The following ENOPH1 variants were observed in gnomAD, a reference collection of about 807,000 sequenced individuals.
ENOPH1 encodes enolase-phosphatase 1, also known as enolase-phosphatase E1.
A neutral mutation model predicts 31.1 loss-of-function variants in ENOPH1; 14 were observed. That is an observed-to-expected ratio of 0.45 (90% CI 0.30 to 0.70). The LOEUF (loss-of-function observed/expected upper bound fraction) is 0.70. Among genes scored for constraint, ENOPH1 ranks in the 30% least tolerant of loss-of-function variants. The probability of loss-of-function intolerance (pLI) is 0.09; values close to 1 mark genes in which losing one functional copy is unlikely to be tolerated. For synonymous variants in ENOPH1, 127 were observed against 123.2 expected (o/e 1.03, Z -0.21); for missense variants, 243 against 321.5 (o/e 0.76, Z 1.87).
In ENOPH1 at chr4:82,454,713, T is replaced by C. The variant is rs994031786; in HGVS notation, c.390-9T>C. ...TTCCTGTATTTTAACTTAGTGGTCT[T>C]CCCTCTAGGTTCTTTGCAGATGTAG... On this transcript the variant is annotated splice_polypyrimidine_tract_variant and intron_variant, in intron 3 of 5. Coordinates refer to ENST00000273920, the MANE Select transcript of ENOPH1 (RefSeq NM_021204.5). The C allele has an allele frequency of 4.3e-6, 7 of 1,609,748 alleles. No homozygotes were observed. Among genetic ancestry groups the C allele is most frequent in the Non-Finnish European group, 5.9e-6 (7 of 1,178,946 alleles).
At chr4:82,448,448 G>A (rs1021108773) in intron 2 of ENOPH1, among the ~76,000 whole-genome samples, 1 of 151,646 alleles carries the variant, frequency 6.6e-6, no homozygotes, top group East Asian at 2.0e-4. Flanking sequence ...TTTTAGTGGA[G>A]ATTGGGTTTC....
intron 3 of ENOPH1, 117 bp downstream of exon 3, chr4:82,451,362 C>G (rs1722346457): frequency 2.0e-6 from 2 of 985,770 alleles, no homozygotes; most frequent in African/African-American, 1.6e-5. Flanking sequence ...AAAATCCACA[C>G]TCTTTTTAGT....
At chr4:82,434,227 A>G (rs1721846592) in intron 1 of ENOPH1, among the ~76,000 whole-genome samples, 2 of 152,180 alleles carry the variant, frequency 1.3e-5, no homozygotes. Context: ...GTGGTTGTGT[A>G]TGTTAAATGA....
intron 5 of ENOPH1, 120 bp downstream of exon 5, chr4:82,457,158 C>A: frequency 5.2e-6 from 5 of 958,070 alleles, no homozygotes; most frequent in Non-Finnish European, 7.4e-6. Flanking sequence ...AACAGTTTTA[C>A]GGTTTTATAT....
At position 82,454,818 on chromosome 4, in the gene ENOPH1, G is replaced by A; in HGVS notation, c.486G>A (p.Leu162=). The A allele has an allele frequency of 1.9e-6, 3 of 1,613,692 alleles. No individual in the cohort carries two copies. Among genetic ancestry groups the A allele is most frequent in the Middle Eastern group, 1.6e-4 (1 of 6,062 alleles). Residue 162 remains leucine (L), a synonymous_variant, in exon 4 of 6, where the codon CTG becomes CTA. Transcript: ENST00000273920. ...YSSGSVEAQK[L]LFGHSTEGDI... ...CAGGGAGTGTGGAGGCACAGAAACT[G>A]TTATTCGGGCATTCTACGGAGGGAG...
chr4:82,442,638 A>G (rs1722070980), intron 1 of ENOPH1, among the ~76,000 whole-genome samples: 1 of 152,216 alleles, frequency 6.6e-6, no homozygotes, highest in African/African-American at 2.4e-5. Flanking sequence ...GAGATATGCA[A>G]AAAAGTTTCT....
At chr4:82,431,582 G>A (rs1344495725) in intron 1 of ENOPH1, among the ~76,000 whole-genome samples, 1 of 152,190 alleles carries the variant, frequency 6.6e-6, no homozygotes, top group African/African-American at 2.4e-5. Context: ...TTCCTTCTAG[G>A]ATGTCACTGT....
At chr4:82,453,701 C>T (rs532760480) in intron 3 of ENOPH1, among the ~76,000 whole-genome samples, 14 of 152,250 alleles carry the variant, frequency 9.2e-5, no homozygotes, top group Admixed American at 5.2e-4. Flanking sequence ...GTTCTACAAC[C>T]CAAGTTCTTT....
intron 3 of ENOPH1, among the ~76,000 whole-genome samples, chr4:82,451,774 A>G (rs1251172437): frequency 6.6e-6 from 1 of 152,096 alleles, no homozygotes; most frequent in East Asian, 1.9e-4. Context: ...ACTTTTGAGT[A>G]TTATACTTAC....
intron 2 of ENOPH1, among the ~76,000 whole-genome samples, chr4:82,450,799 C>T (rs1488575589): frequency 1.3e-5 from 2 of 152,188 alleles, no homozygotes; most frequent in Non-Finnish European, 2.9e-5. Flanking sequence ...TCTCTCTTCT[C>T]ATATACAACA....
chr4:82,446,438 A>G (rs1560465603), intron 1 of ENOPH1, among the ~76,000 whole-genome samples: 1 of 151,990 alleles, frequency 6.6e-6, no homozygotes, highest in East Asian at 1.9e-4. Context: ...AAAAAAGAAC[A>G]TATTAAGTGG....
intron 1 of ENOPH1, among the ~76,000 whole-genome samples, chr4:82,443,457 G>A (rs1350860524): frequency 2.0e-5 from 3 of 151,772 alleles, no homozygotes; most frequent in East Asian, 1.9e-4. Flanking sequence ...GGCTGGGCGC[G>A]GTGGCTCACG....
intron 1 of ENOPH1, among the ~76,000 whole-genome samples, chr4:82,444,290 C>T (rs1264957282): frequency 6.6e-6 from 1 of 151,448 alleles, no homozygotes; most frequent in Non-Finnish European, 1.5e-5. Context: ...GGCACAATCT[C>T]GGCTCACTAC....
intron 2 of ENOPH1, among the ~76,000 whole-genome samples, chr4:82,449,941 C>T (rs1215718926): frequency 1.3e-5 from 2 of 152,268 alleles, no homozygotes; most frequent in African/African-American, 2.4e-5. Context: ...TTTCCTTCCA[C>T]ATTGTGTGCT....
rs1722632224 is a variant in ENOPH1, at chr4:82,461,007, C to T, written c.*887C>T. 1.3e-5 allele frequency: 2 copies of T among 152,156 alleles called. No individual in the cohort carries two copies. Among genetic ancestry groups the T allele is most frequent in the African/African-American group, 4.8e-5 (2 of 41,434 alleles). The allele number at this position is 152,156 out of a possible 1,614,324, so 9.4% of individuals were successfully genotyped here. On this transcript the variant is annotated 3_prime_UTR_variant, in exon 6 of 6. Coordinates refer to ENST00000273920, the MANE Select transcript of ENOPH1 (RefSeq NM_021204.5). ...GATGTGAGAAATGTAAATTTTATAA[C>T]AGCAGTATTTATCCTGGTTTAATTC...
chr4:82,434,570 C>T (rs370153437), intron 1 of ENOPH1, among the ~76,000 whole-genome samples: 15 of 152,114 alleles, frequency 9.9e-5, no homozygotes, highest in African/African-American at 2.9e-4. Flanking sequence ...AAAAATTAGC[C>T]GGGCATGGTG....
intron 1 of ENOPH1, among the ~76,000 whole-genome samples, chr4:82,434,776 G>A (rs13125966): frequency 0.062 from 9,390 of 151,994 alleles, 318 homozygotes; most frequent in Admixed American, 0.089. Flanking sequence ...GCATGGTGGC[G>A]CACACCTGTA....
At position 82,458,380 on chromosome 4, in the gene ENOPH1, G is replaced by A. The variant is rs1407134201; in HGVS notation, c.646+1342G>A. 2.0e-5 allele frequency among the ~76,000 whole-genome samples: 3 copies of A among 152,140 alleles called. No homozygotes were observed. In the East Asian group the frequency reaches 5.8e-4, roughly 29 times the overall value. On this transcript the variant is annotated intron_variant, in intron 5 of 5. Transcript: ENST00000273920. ...TATTAGCCAGGCAGTAGTGGTACAC[G>A]CCTGTAATCCTGGCTACTCGGCTGG...
intron 1 of ENOPH1, among the ~76,000 whole-genome samples, chr4:82,446,172 C>T (rs1722177379): frequency 6.6e-6 from 1 of 152,100 alleles, no homozygotes; most frequent in African/African-American, 2.4e-5. Flanking sequence ...AATCCCAGCA[C>T]TTTGGGAGGC....
Sources: allele counts gnomAD v4.1 joint callset (sites outside exome capture counted in the v4.1 genomes callset), GRCh38; gene constraint gnomAD v4.1.1; transcripts MANE v1.5; gene names NCBI Gene and HGNC (gene_info 2026-07-23, HGNC 2026-07-21).